GNA13: variants seen among roughly 807,000 people sequenced by gnomAD.
GNA13 encodes the protein guanine nucleotide-binding protein subunit alpha-13.
In GNA13, 4 loss-of-function variants were observed where a neutral mutation model predicts 33.5. The observed-to-expected ratio is 0.12, with a 90% CI of 0.06 to 0.27. GNA13 has a LOEUF of 0.27. GNA13 is among the 10% of genes least tolerant of loss of function. The pLI is 1.00. For synonymous variants in GNA13, 176 were observed against 183.8 expected (o/e 0.96, Z 0.34); for missense variants, 319 against 487.2 (o/e 0.65, Z 3.25).
At chr17:65,021,895 T>A (rs1906594629) in intron 2 of GNA13, among the ~76,000 whole-genome samples, 1 of 152,216 alleles carries the variant, frequency 6.6e-6, no homozygotes, top group Non-Finnish European at 1.5e-5. Context: ...TGTATTAAGA[T>A]CTTTCAAATG....
intron 2 of GNA13, among the ~76,000 whole-genome samples, chr17:65,033,754 C>A (rs1037766740): frequency 3.9e-5 from 6 of 152,082 alleles, no homozygotes; most frequent in African/African-American, 1.4e-4. Context: ...GTGGCTCACA[C>A]CTGTGATCCC....
chr17:65,021,797 T>G (rs1263749360), intron 2 of GNA13, among the ~76,000 whole-genome samples: 1 of 152,228 alleles, frequency 6.6e-6, no homozygotes, highest in Non-Finnish European at 1.5e-5. Flanking sequence ...CTTAAGAATA[T>G]AACATAAGGT....
At chr17:65,018,140 G>GAAAAA in intron 3 of GNA13, 113 bp downstream of exon 3, 1 of 129,234 alleles carries the variant, frequency 7.7e-6, no homozygotes, top group Non-Finnish European at 1.7e-5. Context: ...AAAAAAAAAA[G>GAAAAA]AGAGAAAGAA....
chr17:65,047,155 G>C (rs1446937819), intron 2 of GNA13, among the ~76,000 whole-genome samples: 1 of 152,132 alleles, frequency 6.6e-6, no homozygotes, highest in Admixed American at 6.6e-5. Context: ...GGGTTTACAA[G>C]ATTTGGATAA....
intron 2 of GNA13, among the ~76,000 whole-genome samples, chr17:65,049,567 T>C (rs946119850): frequency 2.0e-5 from 3 of 152,076 alleles, no homozygotes; most frequent in Non-Finnish European, 2.9e-5. Context: ...ACACACATAA[T>C]GGGTACTGTG....
chr17:65,032,342 T>C (rs1178925928), intron 2 of GNA13, among the ~76,000 whole-genome samples: 1 of 152,152 alleles, frequency 6.6e-6, no homozygotes, highest in Non-Finnish European at 1.5e-5. Flanking sequence ...AACATAAAAA[T>C]ATGAAATATA....
chr17:65,035,126 C>G (rs1458276342), intron 2 of GNA13, among the ~76,000 whole-genome samples: 9 of 152,194 alleles, frequency 5.9e-5, no homozygotes, highest in Admixed American at 2.6e-4. Context: ...GAGTTTAATA[C>G]TGCAGAGATG....
At chr17:65,038,519 G>C (rs1287048037) in intron 2 of GNA13, among the ~76,000 whole-genome samples, 3 of 152,116 alleles carry the variant, frequency 2.0e-5, no homozygotes, top group Non-Finnish European at 4.4e-5. Context: ...CTCAAGGGAT[G>C]CTCCCACCTC....
Position 65,018,092 on chromosome 17 carries a change from TAAAAAAAAAAAAAAAAAAA to T in GNA13, c.561+142_561+160del, listed in dbSNP as rs767082596. 6.7e-3 allele frequency among the ~76,000 whole-genome samples: 143 copies of T among 21,490 alleles called. 2 individuals are homozygous for T. Among genetic ancestry groups the T allele is most frequent in the African/African-American group, 0.014 (98 of 7,176 alleles). The allele number at this position is 21,490 out of a possible 152,430, so 14.1% of individuals were successfully genotyped here. A position where few individuals can be genotyped will look rare whatever the true frequency, so the allele number is the denominator to read the frequency against. On this transcript the variant is annotated intron_variant, in intron 3 of 3. Transcript: ENST00000439174. ...CAGAGAAGAATCAGAACGCCACCAC[TAAAAAAAAAAAAAAAAAAA>T]AAAAAAAAAAAAAAAAAAAAAAAAA...
At position 65,053,691 on chromosome 17, in the gene GNA13, A is replaced by G; in HGVS notation, c.321T>C (p.His107=). ...RVLVDAREKL[H]IPWGDNSNQQ... Reference sequence around the variant, plus strand: ...GGTTTGAGTTGTCTCCCCAGGGAATATGAAGCTTCTCTCGAGCATCAACCA... The same window carrying G: ...GGTTTGAGTTGTCTCCCCAGGGAATGTGAAGCTTCTCTCGAGCATCAACCA... Residue 107 remains histidine, a synonymous_variant, in exon 2 of 4, where the codon CAT becomes CAC. Transcript: ENST00000439174. 6.2e-7 allele frequency: 1 copy of G among 1,613,946 alleles called. No individual in the cohort carries two copies. Among genetic ancestry groups the G allele is most frequent in the Non-Finnish European group, 8.5e-7 (1 of 1,179,790 alleles).
chr17:65,014,265 G>A lies in GNA13; in HGVS notation c.1126C>T (p.Leu376=), dbSNP rs773446403. 3.0e-5 allele frequency: 47 copies of A among 1,575,472 alleles called. No homozygotes were observed. Among genetic ancestry groups the A allele is most frequent in the Non-Finnish European group, 3.9e-5 (45 of 1,144,984 alleles). The change falls in exon 4 of 4, where the codon CTA becomes TTA. Residue 376 remains leucine (L), a synonymous_variant. Coordinates refer to ENST00000439174, the MANE Select transcript of GNA13 (RefSeq NM_006572.6). This position sits in a 1 kb window ranked among gnomAD's most constrained non-coding sequence, Gnocchi z 5.3. The part of the protein sequence containing the change: ...ILHDNLKQLM[L]Q ...AGCAAGTCTTTTGTACATCACTGTA[G>A]CATAAGCTGCTTGAGGTTGTCATGC...
At position 65,018,253 on chromosome 17, in the gene GNA13, T is replaced by A. The variant is rs765503145; in HGVS notation, c.561A>T (p.Pro187=). The change falls in exon 3 of 4, where the codon CCA becomes CCT. Residue 187 remains proline (P), a splice_region_variant and synonymous_variant. Coordinates refer to ENST00000439174, the MANE Select transcript of GNA13 (RefSeq NM_006572.6). ...ATAAACATTTGGTTTAAACACTTAC[T>A]GGTTCTCCAAGTTTATCCAAGTTAT... ...FLDNLDKLGE[P]DYIPSQQDIL... is the part of the protein sequence containing the mutation. The A allele has an allele frequency of 6.7e-7, 1 of 1,502,382 alleles. No homozygotes were observed. Among genetic ancestry groups the A allele is most frequent in the Non-Finnish European group, 9.3e-7 (1 of 1,078,782 alleles). The allele number at this position is 1,502,382 out of a possible 1,614,324, so 93.1% of individuals were successfully genotyped here. A position where few individuals can be genotyped will look rare whatever the true frequency, so the allele number is the denominator to read the frequency against.
chr17:65,019,855 A>T (rs1001330268), intron 2 of GNA13, among the ~76,000 whole-genome samples: 2 of 152,268 alleles, frequency 1.3e-5, no homozygotes, highest in African/African-American at 4.8e-5. Context: ...ATAAAGGATA[A>T]ATGCCTGAAG....
intron 2 of GNA13, 121 bp downstream of exon 2, chr17:65,053,381 C>G (rs1173337659): frequency 3.0e-6 from 2 of 672,662 alleles, no homozygotes; most frequent in Non-Finnish European, 5.3e-6. Flanking sequence ...CAGTCTGTTC[C>G]TCCATCTCAA....
At chr17:65,038,201 G>A (rs1907327552) in intron 2 of GNA13, among the ~76,000 whole-genome samples, 1 of 152,104 alleles carries the variant, frequency 6.6e-6, no homozygotes, top group Non-Finnish European at 1.5e-5. Flanking sequence ...TCAGGAGTTC[G>A]AGACCAGCCT....
intron 2 of GNA13, among the ~76,000 whole-genome samples, chr17:65,033,437 T>C (rs180872404): frequency 1.3e-5 from 2 of 151,640 alleles, no homozygotes; most frequent in African/African-American, 2.4e-5. Context: ...TAGTGAGCTA[T>C]GATTGCACCA....
chr17:65,056,255 G>T, intron 1 of GNA13, 56 bp downstream of exon 1: 1 of 508,076 alleles, frequency 2.0e-6, no homozygotes, highest in Non-Finnish European at 3.5e-6. Flanking sequence ...CCCCGCACCC[G>T]CCGCCGCCCC....
intron 2 of GNA13, among the ~76,000 whole-genome samples, chr17:65,031,896 A>AAAGAG (rs1907041394): frequency 1.4e-5 from 1 of 71,334 alleles, no homozygotes; most frequent in Admixed American, 2.1e-4. Flanking sequence ...GAGAGAGAGA[A>AAAGAG]AGAGAGAGAG....
At position 65,015,692 on chromosome 17, in the gene GNA13, T is replaced by C. The variant is rs1248703480; in HGVS notation, c.562-863A>G. Among the ~76,000 whole-genome samples, 3 of 126,660 alleles carry C rather than the reference T, an allele frequency of 2.4e-5. No homozygotes were observed. The East Asian group carries it at 7.2e-4, about 30-fold the overall frequency. The allele number at this position is 126,660 out of a possible 152,430, so 83.1% of individuals were successfully genotyped here. A position where few individuals can be genotyped will look rare whatever the true frequency, so the allele number is the denominator to read the frequency against. ...AAAAAAAAAAAAAAAAAAAAGGCAATGGGATCTGATTCCAGTGCCAATTCA... is the reference window on the plus strand; with the variant it reads ...AAAAAAAAAAAAAAAAAAAAGGCAACGGGATCTGATTCCAGTGCCAATTCA... On this transcript the variant is annotated intron_variant, in intron 3 of 3. Coordinates refer to ENST00000439174, the MANE Select transcript of GNA13 (RefSeq NM_006572.6).
Sources: allele counts gnomAD v4.1 joint callset (sites outside exome capture counted in the v4.1 genomes callset), GRCh38; gene constraint gnomAD v4.1.1; non-coding constraint Gnocchi (gnomAD v3.1); transcripts MANE v1.5; gene names NCBI Gene and HGNC (gene_info 2026-07-23, HGNC 2026-07-21).